TOX: variants seen among roughly 807,000 people sequenced by gnomAD.
TOX encodes the protein thymocyte selection-associated high mobility group box protein TOX.
TOX carries 11 observed loss-of-function variants against 53.7 expected under a neutral mutation model. That is an observed-to-expected ratio of 0.20 (90% confidence interval 0.13 to 0.34). TOX has a LOEUF of 0.34. Ranked by LOEUF, TOX falls within the 10% of genes least tolerant of loss-of-function variation. TOX has a pLI of 1.00. For missense variants in TOX, 570 were observed against 664.6 expected (o/e 0.86, Z 1.56); for synonymous variants, 225 against 245.3 (o/e 0.92, Z 0.77).
intron 1 of TOX, among the ~76,000 whole-genome samples, chr8:59,027,529 G>C (rs576099526): frequency 6.6e-6 from 1 of 151,764 alleles, no homozygotes; most frequent in South Asian, 2.1e-4. Flanking sequence ...CTTTCTGTTT[G>C]ACAGCACCAA....
Position 58,826,697 on chromosome 8 carries a change from CT to C in TOX, c.1005+124del, listed in dbSNP as rs540637570. ...ATCGTATAGCTTTGTTTGTAATTTACTTTTTTTTCCAACAAAGAAGATTGTG... is the reference window on the plus strand; with the variant it reads ...ATCGTATAGCTTTGTTTGTAATTTACTTTTTTTCCAACAAAGAAGATTGTG... On this transcript the variant is annotated intron_variant, in intron 6 of 8. Coordinates refer to ENST00000361421, the MANE Select transcript of TOX (RefSeq NM_014729.3). 1.3e-3 allele frequency: 1,039 copies of C among 806,786 alleles called. 4 individuals are homozygous for C. Among genetic ancestry groups the C allele is most frequent in the Non-Finnish European group, 1.8e-3 (987 of 547,698 alleles). 50.0% of individuals were successfully genotyped at this position (806,786 alleles called of 1,614,324 possible). A position where few individuals can be genotyped will look rare whatever the true frequency, so the allele number is the denominator to read the frequency against.
At chr8:59,066,479 CAGAT>C (rs1472956340) in intron 1 of TOX, among the ~76,000 whole-genome samples, 9 of 152,186 alleles carry the variant, frequency 5.9e-5, no homozygotes, top group Non-Finnish European at 8.8e-5. Context: ...ATTCCAATAA[CAGAT>C]AGAAGTCAAA....
At chr8:58,960,458 A>T (rs1812781030) in intron 1 of TOX, among the ~76,000 whole-genome samples, 6 of 152,250 alleles carry the variant, frequency 3.9e-5, no homozygotes, top group Admixed American at 3.9e-4. Context: ...GAAAAAGTGC[A>T]GAGTTTTCAT....
At chr8:59,026,971 A>C (rs1335111749) in intron 1 of TOX, among the ~76,000 whole-genome samples, 2 of 151,636 alleles carry the variant, frequency 1.3e-5, no homozygotes, top group Non-Finnish European at 2.9e-5. Context: ...GCAATGGAGA[A>C]GGGGGAGTGA....
chr8:58,995,864 G>A (rs528538947), intron 1 of TOX, among the ~76,000 whole-genome samples: 1 of 152,320 alleles, frequency 6.6e-6, no homozygotes, highest in Non-Finnish European at 1.5e-5. Context: ...TTTCAAAACT[G>A]AGGTGACTCA....
At chr8:58,818,735 C>T (rs1810222667) in intron 6 of TOX, among the ~76,000 whole-genome samples, 1 of 152,162 alleles carries the variant, frequency 6.6e-6, no homozygotes, top group South Asian at 2.1e-4. Context: ...GGAAAAGCCA[C>T]AGAGTATTAG....
At chr8:58,914,909 A>T (rs1214073316) in intron 3 of TOX, among the ~76,000 whole-genome samples, 1 of 152,048 alleles carries the variant, frequency 6.6e-6, no homozygotes, top group Non-Finnish European at 1.5e-5. Context: ...GGGGTCAGGG[A>T]GTTCCCTTTC....
intron 7 of TOX, among the ~76,000 whole-genome samples, chr8:58,811,656 G>A (rs1221686738): frequency 1.3e-5 from 2 of 152,130 alleles, no homozygotes; most frequent in Admixed American, 6.5e-5. Context: ...TCCTAAAGCA[G>A]CTGTTTATTA....
intron 1 of TOX, among the ~76,000 whole-genome samples, chr8:58,976,735 TGG>T (rs1283947188): frequency 1.3e-5 from 2 of 152,242 alleles, no homozygotes; most frequent in Non-Finnish European, 2.9e-5. Flanking sequence ...GGTTGCAGAA[TGG>T]ATGTTATGCT....
intron 1 of TOX, among the ~76,000 whole-genome samples, chr8:58,986,179 C>A (rs1813324697): frequency 6.6e-6 from 1 of 152,138 alleles, no homozygotes; most frequent in Non-Finnish European, 1.5e-5. Flanking sequence ...ACAGAGAGGG[C>A]ACTTAGGGAA....
intron 3 of TOX, among the ~76,000 whole-genome samples, chr8:58,934,977 A>C (rs1275931346): frequency 6.6e-6 from 1 of 152,196 alleles, no homozygotes; most frequent in East Asian, 1.9e-4. Context: ...CCATTTGTAA[A>C]ATTGGGATAC....
intron 1 of TOX, among the ~76,000 whole-genome samples, chr8:59,076,947 A>C (rs552561458): frequency 2.0e-5 from 3 of 152,370 alleles, no homozygotes; most frequent in African/African-American, 7.2e-5. Context: ...GCACTTTACA[A>C]AGCAATTTTA....
At chr8:58,810,852 C>A (rs572624149) in intron 7 of TOX, among the ~76,000 whole-genome samples, 22 of 151,686 alleles carry the variant, frequency 1.5e-4, no homozygotes, top group Admixed American at 1.3e-3. Flanking sequence ...ACACAAAGAC[C>A]ACAGAAACCG....
chr8:59,056,680 CA>C (rs1803894505), intron 1 of TOX, among the ~76,000 whole-genome samples: 1 of 152,162 alleles, frequency 6.6e-6, no homozygotes, highest in Non-Finnish European at 1.5e-5. Flanking sequence ...CACATCAATG[CA>C]GAAATTTCTA....
intron 1 of TOX, among the ~76,000 whole-genome samples, chr8:59,112,045 T>C (rs1394354170): frequency 6.6e-6 from 1 of 152,206 alleles, no homozygotes; most frequent in Non-Finnish European, 1.5e-5. Flanking sequence ...AATTTAACTT[T>C]AAAATTTTTA....
At chr8:58,850,207 A>C (rs531023020) in intron 4 of TOX, among the ~76,000 whole-genome samples, 2 of 152,308 alleles carry the variant, frequency 1.3e-5, no homozygotes, top group Admixed American at 1.3e-4. Flanking sequence ...TGTTTCAGTC[A>C]GGTATGGTAA....
At chr8:59,000,766 C>A (rs913060430) in intron 1 of TOX, among the ~76,000 whole-genome samples, 1 of 152,046 alleles carries the variant, frequency 6.6e-6, no homozygotes, top group African/African-American at 2.4e-5. Flanking sequence ...TATCAGTGAT[C>A]AAAAATATAC....
At chr8:59,008,004 T>C (rs1321279759) in intron 1 of TOX, among the ~76,000 whole-genome samples, 1 of 152,254 alleles carries the variant, frequency 6.6e-6, no homozygotes. Flanking sequence ...TTCACCTCTG[T>C]TACATTTAAA....
intron 3 of TOX, among the ~76,000 whole-genome samples, chr8:58,880,131 G>A (rs1203980632): frequency 6.6e-6 from 1 of 152,154 alleles, no homozygotes; most frequent in Non-Finnish European, 1.5e-5. Context: ...CTGGGACAAG[G>A]GACAACTGTA....
Sources: gnomAD v4.1 joint callset for allele counts (sites outside exome capture counted in the v4.1 genomes callset) on GRCh38, gnomAD v4.1.1 for gene constraint, MANE v1.5 for transcripts, NCBI Gene and HGNC (gene_info 2026-07-23, HGNC 2026-07-21) for gene names.